HAO1: variants seen among roughly 807,000 people sequenced by gnomAD.
HAO1 encodes the protein 2-Hydroxyacid oxidase 1.
Under a neutral mutation model 39.7 loss-of-function variants are expected in HAO1, and 34 were observed. The ratio of observed to expected loss-of-function variants is 0.86; its 90% CI spans 0.65 to 1.14. The LOEUF (loss-of-function observed/expected upper bound fraction) is 1.14, where lower values mean the gene tolerates loss of function less well. Among genes scored for constraint, HAO1 ranks in the 50% most tolerant of loss-of-function variants. HAO1 has a pLI of 0.00. For synonymous variants in HAO1, 172 were observed against 173.2 expected, an observed-to-expected ratio of 0.99 and a Z score of 0.05; for missense variants, 479 against 464.5, an observed-to-expected ratio of 1.03 and a Z score of -0.29.
intron 4 of HAO1, among the ~76,000 whole-genome samples, chr20:7,896,957 A>G (rs552052595): frequency 6.6e-6 from 1 of 152,240 alleles, no homozygotes; most frequent in Non-Finnish European, 1.5e-5. Flanking sequence ...TAGTCTGAGT[A>G]TGCCCTCATT....
At chr20:7,916,113 A>G (rs1285254268) in intron 2 of HAO1, among the ~76,000 whole-genome samples, 3 of 152,166 alleles carry the variant, frequency 2.0e-5, no homozygotes, top group Non-Finnish European at 4.4e-5. Context: ...CATCTAACTA[A>G]TAGTTTTAGA....
intron 4 of HAO1, among the ~76,000 whole-genome samples, chr20:7,902,293 C>T (rs2050224351): frequency 6.6e-6 from 1 of 152,174 alleles, no homozygotes; most frequent in African/African-American, 2.4e-5. Context: ...CATCAAACTT[C>T]ATTGTCTTAT....
intron 1 of HAO1, among the ~76,000 whole-genome samples, chr20:7,938,229 G>A (rs961049716): frequency 2.0e-5 from 3 of 152,048 alleles, no homozygotes; most frequent in Admixed American, 6.6e-5. Flanking sequence ...TTAGTTTCAC[G>A]TGACCAGCTA....
At chr20:7,903,304 T>C (rs547423130) in intron 4 of HAO1, among the ~76,000 whole-genome samples, 16 of 150,472 alleles carry the variant, frequency 1.1e-4, no homozygotes, top group Admixed American at 3.9e-4. Flanking sequence ...TTTTTTTTTT[T>C]TGAGCTTTCT....
chr20:7,884,309 TG>T (rs2050141404), intron 7 of HAO1, among the ~76,000 whole-genome samples: 1 of 152,310 alleles, frequency 6.6e-6, no homozygotes, highest in East Asian at 1.9e-4. Context: ...CCCTGCCTCA[TG>T]TATCTTATGT....
intron 4 of HAO1, among the ~76,000 whole-genome samples, chr20:7,896,419 G>A (rs1418256587): frequency 6.6e-6 from 1 of 152,090 alleles, no homozygotes; most frequent in African/African-American, 2.4e-5. Flanking sequence ...ATAATGGGCA[G>A]ACTTGACTAA....
chr20:7,928,495 C>CT (rs35798481), intron 2 of HAO1, among the ~76,000 whole-genome samples: 1,512 of 140,334 alleles, frequency 0.011, 21 homozygotes, highest in African/African-American at 0.026. Context: ...AAAGTTTTTT[C>CT]TTTTTTTTTT....
intron 7 of HAO1, 133 bp from the exon 8 acceptor site, chr20:7,883,796 T>C: frequency 1.3e-6 from 1 of 751,930 alleles, no homozygotes; most frequent in Non-Finnish European, 2.3e-6. Flanking sequence ...AAATCTTATG[T>C]GGCATGAGAC....
At chr20:7,936,464 G>T (rs926813467) in intron 1 of HAO1, among the ~76,000 whole-genome samples, 6 of 146,026 alleles carry the variant, frequency 4.1e-5, no homozygotes, top group African/African-American at 1.5e-4. Flanking sequence ...AACAATGAAA[G>T]CTTTATGACA....
intron 1 of HAO1, among the ~76,000 whole-genome samples, chr20:7,936,503 CGTGTGT>C (rs71183082): frequency 2.6e-3 from 281 of 109,156 alleles, no homozygotes; most frequent in East Asian, 0.016. Flanking sequence ...GGGCAGCAGC[CGTGTGT>C]GTGTGTGTGT....
intron 2 of HAO1, among the ~76,000 whole-genome samples, chr20:7,931,822 A>G (rs2050387124): frequency 6.6e-6 from 1 of 152,148 alleles, no homozygotes; most frequent in African/African-American, 2.4e-5. Context: ...GGAACCATCA[A>G]ATGTGACTTG....
In HAO1 at chr20:7,906,272, G is replaced by A. The variant is rs61751020; in HGVS notation, c.603C>T (p.Asp201=). The change falls in exon 4 of 8, where the codon GAC becomes GAT. Residue 201 remains aspartate, a synonymous_variant. Transcript: ENST00000378789. ...LSFSPEENFG[D]DSGLAAYVAK... is the part of the protein sequence containing the mutation. ...CCACATATGCAGCAAGTCCACTGTC[G>A]TCTCCAAAATTTTCCTCAGGAGAAA... 4,301 of 1,611,724 alleles carry A rather than the reference G, an allele frequency of 2.7e-3. 98 individuals carry two copies. The African/African-American group carries it at 0.048, about 18-fold the overall frequency.
intron 2 of HAO1, among the ~76,000 whole-genome samples, chr20:7,927,333 A>G (rs561610231): frequency 3.2e-4 from 48 of 152,204 alleles, no homozygotes; most frequent in Non-Finnish European, 6.3e-4. Context: ...AAATATTCAT[A>G]GAAATAATTT....
At chr20:7,926,292 G>T (rs1352469368) in intron 2 of HAO1, among the ~76,000 whole-genome samples, 3 of 152,084 alleles carry the variant, frequency 2.0e-5, no homozygotes, top group African/African-American at 7.2e-5. Context: ...TTAATCACAA[G>T]AACGTAAAGT....
chr20:7,914,841 G>A (rs2050299206), intron 2 of HAO1, among the ~76,000 whole-genome samples: 1 of 152,124 alleles, frequency 6.6e-6, no homozygotes, highest in African/African-American at 2.4e-5. Flanking sequence ...TATTATTGCT[G>A]GGCACAGTGG....
intron 2 of HAO1, 122 bp downstream of exon 2, chr20:7,934,362 C>A: frequency 1.5e-6 from 1 of 668,512 alleles, no homozygotes. Flanking sequence ...ATGATAGAGT[C>A]CATGAGCTTA....
chr20:7,906,947 T>G (rs2050251188), intron 3 of HAO1, among the ~76,000 whole-genome samples: 1 of 152,182 alleles, frequency 6.6e-6, no homozygotes, highest in Admixed American at 6.5e-5. Context: ...TTCCTCCTGG[T>G]TATTGCACCT....
At chr20:7,919,271 G>A (rs2050320519) in intron 2 of HAO1, among the ~76,000 whole-genome samples, 1 of 152,144 alleles carries the variant, frequency 6.6e-6, no homozygotes, top group Admixed American at 6.6e-5. Context: ...CTTACTCACT[G>A]ACTCTTTCAT....
chr20:7,932,922 T>C (rs2122798742), intron 2 of HAO1, among the ~76,000 whole-genome samples: 1 of 152,310 alleles, frequency 6.6e-6, no homozygotes, highest in South Asian at 2.1e-4. Flanking sequence ...GCCAGATTAT[T>C]TTCTAGGAAG....
Sources: gnomAD v4.1 joint callset for allele counts (sites outside exome capture counted in the v4.1 genomes callset) on GRCh38, gnomAD v4.1.1 for gene constraint, MANE v1.5 for transcripts, NCBI Gene and HGNC (gene_info 2026-07-23, HGNC 2026-07-21) for gene names.